Variants in AGBL3 observed in about 807,000 individuals in gnomAD.
The protein encoded by AGBL3 is cytosolic carboxypeptidase 3.
In AGBL3, 68 loss-of-function variants were observed where a neutral mutation model predicts 94.5. That is an observed-to-expected ratio of 0.72 (90% CI 0.59 to 0.88). AGBL3 has a LOEUF of 0.88. AGBL3 is among the 40% of genes least tolerant of loss of function. The pLI, the probability that AGBL3 is intolerant of heterozygous loss-of-function variation, is 0.00. For missense variants in AGBL3, 934 were observed against 1,103.8 expected, an observed-to-expected ratio of 0.85 and a Z score of 2.18; for synonymous variants, 354 against 370.7, an observed-to-expected ratio of 0.95 and a Z score of 0.52.
chr7:135,026,988 G>A (rs913862904), intron 5 of AGBL3, among the ~76,000 whole-genome samples: 3 of 151,448 alleles, frequency 2.0e-5, no homozygotes, highest in Admixed American at 6.6e-5. Context: ...TATACCTCAC[G>A]TTTAGTTTGA....
At chr7:135,070,029 A>G (rs1429619758) in intron 12 of AGBL3, among the ~76,000 whole-genome samples, 1 of 152,248 alleles carries the variant, frequency 6.6e-6, no homozygotes, top group Non-Finnish European at 1.5e-5. Flanking sequence ...ACAATAAAAA[A>G]TGACAAAGGG....
intron 15 of AGBL3, among the ~76,000 whole-genome samples, chr7:135,112,214 T>C (rs1475634074): frequency 6.6e-6 from 1 of 152,230 alleles, no homozygotes; most frequent in Non-Finnish European, 1.5e-5. Context: ...CCTCCTAATT[T>C]GTCTCCCTGC....
At chr7:135,102,559 CAT>C (rs1463489936) in intron 15 of AGBL3, among the ~76,000 whole-genome samples, 1 of 151,552 alleles carries the variant, frequency 6.6e-6, no homozygotes, top group Non-Finnish European at 1.5e-5. Context: ...TAGACCATTT[CAT>C]GAAGGCTTAA....
At chr7:135,067,003 C>T (rs141340853) in intron 12 of AGBL3, among the ~76,000 whole-genome samples, 1,992 of 152,304 alleles carry the variant, frequency 0.013, 37 homozygotes, top group African/African-American at 0.045. Flanking sequence ...AAAGGGGTGA[C>T]AGATGGCACC....
At chr7:135,094,945 T>C (rs1223018324) in intron 15 of AGBL3, among the ~76,000 whole-genome samples, 1 of 152,224 alleles carries the variant, frequency 6.6e-6, no homozygotes, top group African/African-American at 2.4e-5. Context: ...AGTTTCCTTG[T>C]ATTGTTGAGA....
chr7:135,006,599 T>G (rs577564286), intron 4 of AGBL3, among the ~76,000 whole-genome samples: 20 of 152,074 alleles, frequency 1.3e-4, no homozygotes, highest in Middle Eastern at 3.4e-3. Flanking sequence ...TCACCTATTC[T>G]GCCTTATGGA....
intron 16 of AGBL3, among the ~76,000 whole-genome samples, chr7:135,124,838 C>T (rs572333923): frequency 6.6e-6 from 1 of 152,182 alleles, no homozygotes; most frequent in African/African-American, 2.4e-5. Context: ...TCAAGAAGTT[C>T]TTTGAAACCA....
chr7:135,046,294 A>C (rs1349788300), intron 11 of AGBL3, among the ~76,000 whole-genome samples: 1 of 152,106 alleles, frequency 6.6e-6, no homozygotes, highest in Non-Finnish European at 1.5e-5. Context: ...AGTGGTACTT[A>C]TTTACAGTTA....
At chr7:135,086,812 G>T (rs1199226249) in intron 15 of AGBL3, among the ~76,000 whole-genome samples, 1 of 151,858 alleles carries the variant, frequency 6.6e-6, no homozygotes, top group African/African-American at 2.4e-5. Flanking sequence ...TTCTTTTGTT[G>T]TTGTTGTTGC....
At chr7:135,095,877 C>T (rs1258299142) in intron 15 of AGBL3, among the ~76,000 whole-genome samples, 1 of 152,124 alleles carries the variant, frequency 6.6e-6, no homozygotes, top group Non-Finnish European at 1.5e-5. Flanking sequence ...TTGGGCAGGA[C>T]ACAGTGGCTC....
intron 15 of AGBL3, among the ~76,000 whole-genome samples, chr7:135,106,338 AC>A (rs976650168): frequency 2.0e-5 from 3 of 152,312 alleles, no homozygotes; most frequent in African/African-American, 7.2e-5. Flanking sequence ...GCTTTTGCCC[AC>A]AGTACGATGT....
In AGBL3 at chr7:135,135,216, T is replaced by C; in HGVS notation, c.2718T>C (p.Asn906=). Reference sequence around the variant, plus strand: ...ATAAGGATGAGCAGGCCAATAAGAATGATGGACAACCCACCTTATATCTGA... The same window carrying C: ...ATAAGGATGAGCAGGCCAATAAGAACGATGGACAACCCACCTTATATCTGA... ...TKNKDEQANK[N]DGQPTLYLKF... is the part of the protein sequence containing the mutation. Residue 906 remains asparagine, a synonymous_variant, in exon 17 of 17, where the codon AAT becomes AAC. Coordinates refer to ENST00000436302, the MANE Select transcript of AGBL3 (RefSeq NM_178563.4). 3 of 1,543,630 alleles carry C rather than the reference T, an allele frequency of 1.9e-6. No individual in the cohort carries two copies. The highest frequency in any genetic ancestry group is 2.8e-5 in the African/African-American group (2 of 72,388).
chr7:135,008,320 A>G (rs1435507671), intron 4 of AGBL3, among the ~76,000 whole-genome samples: 1 of 152,188 alleles, frequency 6.6e-6, no homozygotes, highest in African/African-American at 2.4e-5. Flanking sequence ...AAGTCCAGAA[A>G]TAAGCCCATG....
At chr7:135,002,534 A>C (rs1229047073) in intron 4 of AGBL3, among the ~76,000 whole-genome samples, 1 of 152,094 alleles carries the variant, frequency 6.6e-6, no homozygotes, top group Non-Finnish European at 1.5e-5. Context: ...AGAGCCCCCC[A>C]CCACAACTCA....
intron 11 of AGBL3, among the ~76,000 whole-genome samples, chr7:135,053,376 G>A (rs1042835125): frequency 6.6e-6 from 1 of 152,208 alleles, no homozygotes; most frequent in Admixed American, 6.5e-5. Context: ...GGGAGGCTGA[G>A]GTAGGCGTAT....
chr7:135,054,476 GC>G (rs1162971868), intron 11 of AGBL3, among the ~76,000 whole-genome samples: 2 of 152,090 alleles, frequency 1.3e-5, no homozygotes, highest in Non-Finnish European at 2.9e-5. Context: ...GAAAATATTT[GC>G]TTATAGAGAA....
chr7:134,991,031 C>T (rs965394773), intron 3 of AGBL3, among the ~76,000 whole-genome samples: 3 of 152,102 alleles, frequency 2.0e-5, no homozygotes, highest in Non-Finnish European at 2.9e-5. Context: ...ATCTGTAAGC[C>T]TTTGCTATGC....
chr7:135,064,818 A>T (rs937398572), intron 12 of AGBL3, among the ~76,000 whole-genome samples: 4 of 152,194 alleles, frequency 2.6e-5, no homozygotes, highest in African/African-American at 9.6e-5. Flanking sequence ...AAGAGGCAAA[A>T]AATCCTTCCA....
chr7:135,087,225 T>G (rs1220344506), intron 15 of AGBL3, among the ~76,000 whole-genome samples: 1 of 151,882 alleles, frequency 6.6e-6, no homozygotes, highest in Non-Finnish European at 1.5e-5. Context: ...GGTCTTTTCT[T>G]TTTTTCTCTT....
Sources: allele counts gnomAD v4.1 joint callset (sites outside exome capture counted in the v4.1 genomes callset), GRCh38; gene constraint gnomAD v4.1.1; transcripts MANE v1.5; gene names NCBI Gene and HGNC (gene_info 2026-07-23, HGNC 2026-07-21).